Variants in CYYR1 observed in about 807,000 individuals in gnomAD.
CYYR1 encodes cysteine and tyrosine rich 1, also known as cysteine and tyrosine-rich protein 1.
A neutral mutation model predicts 15.2 loss-of-function variants in CYYR1; 14 were observed. That is an observed-to-expected ratio of 0.92 (90% CI 0.61 to 1.44). The LOEUF (loss-of-function observed/expected upper bound fraction) is 1.44. CYYR1 is among the 40% of genes most tolerant of loss of function. The pLI is 0.00. For missense variants in CYYR1, 228 were observed against 209.5 expected, an observed-to-expected ratio of 1.09 and a Z score of -0.54; for synonymous variants, 80 against 77.4, an observed-to-expected ratio of 1.03 and a Z score of -0.18.
At chr21:26,544,257 G>A (rs1978788438) in intron 2 of CYYR1, among the ~76,000 whole-genome samples, 1 of 152,150 alleles carries the variant, frequency 6.6e-6, no homozygotes, top group African/African-American at 2.4e-5. Flanking sequence ...AATTCTGTAC[G>A]AATAATCACT....
rs2123709223 is a variant in CYYR1 at position 26,559,337 on chromosome 21, T to C, written c.176+6929A>G. Among the ~76,000 whole-genome samples, 3 of 152,294 alleles carry C rather than the reference T, an allele frequency of 2.0e-5. No individual in the cohort carries two copies. The South Asian group carries it at 6.2e-4, about 32-fold the overall frequency. On this transcript the variant is annotated intron_variant, in intron 2 of 3. Transcript: ENST00000652641. ...GGATACTAATCTCCTGTGAATCATA[T>C]GAATTGCAAATATCTTCTCCAAGTG...
Position 26,573,186 on chromosome 21 carries a change from C to CTT in CYYR1, c.-248_-247dup. The CTT allele has an allele frequency of 6.8e-7, 1 of 1,466,354 alleles. No homozygotes were observed. The highest frequency in any genetic ancestry group is 9.0e-7 in the Non-Finnish European group (1 of 1,106,472). The allele number at this position is 1,466,354 out of a possible 1,614,324, so 90.8% of individuals were successfully genotyped here. On this transcript the variant is annotated 5_prime_UTR_variant, in exon 1 of 4. Coordinates refer to ENST00000652641, the MANE Select transcript of CYYR1 (RefSeq NM_001320768.2). ...CGGGCTGCGCTGGGGGCCCAGGTCT[C>CTT]TTTGTCTCGCCCCACTGCGCTCAGG...
At chr21:26,532,192 T>G (rs2065940313) in intron 2 of CYYR1, among the ~76,000 whole-genome samples, 1 of 152,156 alleles carries the variant, frequency 6.6e-6, no homozygotes, top group Non-Finnish European at 1.5e-5. Flanking sequence ...CATTCACTGA[T>G]GATGAAATAG....
chr21:26,493,739 A>C (rs2065359017), intron 2 of CYYR1, among the ~76,000 whole-genome samples: 1 of 152,180 alleles, frequency 6.6e-6, no homozygotes, highest in African/African-American at 2.4e-5. Context: ...GAAGGGATGG[A>C]TCAGGCCCAG....
intron 2 of CYYR1, among the ~76,000 whole-genome samples, chr21:26,566,004 A>G (rs1759961129): frequency 6.6e-6 from 1 of 152,246 alleles, no homozygotes; most frequent in African/African-American, 2.4e-5. Flanking sequence ...ATTATAGTAC[A>G]CAAAGTAAAA....
intron 2 of CYYR1, among the ~76,000 whole-genome samples, chr21:26,557,929 A>C (rs1052110795): frequency 6.6e-6 from 1 of 152,166 alleles, no homozygotes; most frequent in African/African-American, 2.4e-5. Context: ...CCTCTTATCC[A>C]AAGCAGAAAC....
At chr21:26,552,894 G>A (rs950115277) in intron 2 of CYYR1, among the ~76,000 whole-genome samples, 2 of 152,002 alleles carry the variant, frequency 1.3e-5, no homozygotes, top group African/African-American at 4.8e-5. Context: ...AAACTCAAGA[G>A]GAGAAAAACA....
At chr21:26,548,534 A>G (rs1179853051) in intron 2 of CYYR1, among the ~76,000 whole-genome samples, 1 of 152,172 alleles carries the variant, frequency 6.6e-6, no homozygotes, top group African/African-American at 2.4e-5. Flanking sequence ...TTTTATAGAG[A>G]TGAAGTCTTG....
chr21:26,557,073 G>A (rs935638479), intron 2 of CYYR1, among the ~76,000 whole-genome samples: 2 of 152,064 alleles, frequency 1.3e-5, no homozygotes, highest in African/African-American at 4.8e-5. Context: ...GCAGCTATAC[G>A]AAATGACTTA....
At chr21:26,532,138 T>C (rs1022865532) in intron 2 of CYYR1, among the ~76,000 whole-genome samples, 37 of 152,202 alleles carry the variant, frequency 2.4e-4, no homozygotes, top group Admixed American at 1.1e-3. Flanking sequence ...CTGGAAGAGG[T>C]GAATATCAAA....
Position 26,466,520 on chromosome 21 carries a change from C to T in CYYR1, c.*1981G>A, listed in dbSNP as rs1270246023. 2 of 152,084 alleles carry T rather than the reference C, an allele frequency of 1.3e-5. No individual in the cohort carries two copies. The highest frequency in any genetic ancestry group is 2.9e-5 in the Non-Finnish European group (2 of 68,010). The allele number at this position is 152,084 out of a possible 1,614,324, so 9.4% of individuals were successfully genotyped here. On this transcript the variant is annotated 3_prime_UTR_variant, in exon 4 of 4. Coordinates refer to ENST00000652641, the MANE Select transcript of CYYR1 (RefSeq NM_001320768.2). ...GAAGAGATGGTGTGGACTGAACTGG[C>T]TTCTATTTGGGGAAAATTTGCAGAA...
At chr21:26,537,780 C>A (rs112516283) in intron 2 of CYYR1, among the ~76,000 whole-genome samples, 252 of 152,128 alleles carry the variant, frequency 1.7e-3, no homozygotes, top group African/African-American at 5.8e-3. Flanking sequence ...CCCTAATCAC[C>A]CATTTGATGG....
chr21:26,479,140 A>G (rs1477240674), intron 3 of CYYR1, among the ~76,000 whole-genome samples: 1 of 152,156 alleles, frequency 6.6e-6, no homozygotes, highest in Non-Finnish European at 1.5e-5. Context: ...ATACAGGCAA[A>G]GAAGTAAGTG....
chr21:26,536,009 G>A (rs1978297630), intron 2 of CYYR1, among the ~76,000 whole-genome samples: 1 of 152,198 alleles, frequency 6.6e-6, no homozygotes, highest in Non-Finnish European at 1.5e-5. Flanking sequence ...TCGGCAGGCT[G>A]TACAAGAAGC....
intron 2 of CYYR1, among the ~76,000 whole-genome samples, chr21:26,537,118 C>T (rs115620669): frequency 0.019 from 2,957 of 152,054 alleles, 109 homozygotes; most frequent in African/African-American, 0.067. Context: ...GATGAGCCTA[C>T]GTTAATTAAC....
At chr21:26,516,388 T>G (rs918100257) in intron 2 of CYYR1, among the ~76,000 whole-genome samples, 6 of 152,230 alleles carry the variant, frequency 3.9e-5, no homozygotes, top group African/African-American at 1.2e-4. Context: ...GACCAATGGC[T>G]GCTAAATGAT....
intron 2 of CYYR1, among the ~76,000 whole-genome samples, chr21:26,530,830 T>C (rs986136602): frequency 3.9e-4 from 60 of 152,326 alleles, no homozygotes; most frequent in Middle Eastern, 3.4e-3. Flanking sequence ...CCATGGTGTA[T>C]ATGTGCCACA....
chr21:26,499,023 G>T (rs945350018), intron 2 of CYYR1, among the ~76,000 whole-genome samples: 5 of 152,158 alleles, frequency 3.3e-5, no homozygotes, highest in African/African-American at 1.2e-4. Context: ...GTTTCAAAAT[G>T]ATATTCGTAG....
At chr21:26,526,612 T>C (rs1281090867) in intron 2 of CYYR1, among the ~76,000 whole-genome samples, 2 of 152,230 alleles carry the variant, frequency 1.3e-5, no homozygotes, top group Non-Finnish European at 2.9e-5. Context: ...TTTAAAATAA[T>C]TAACGGTTTC....
Sources: allele counts gnomAD v4.1 joint callset (sites outside exome capture counted in the v4.1 genomes callset), GRCh38; gene constraint gnomAD v4.1.1; transcripts MANE v1.5; gene names NCBI Gene and HGNC (gene_info 2026-07-23, HGNC 2026-07-21).